The following LRP1B variants were observed in gnomAD, a reference collection of about 807,000 sequenced individuals.
LRP1B encodes the protein low-density lipoprotein receptor-related protein 1B.
In LRP1B, 217 loss-of-function variants were observed where a neutral mutation model predicts 556.6. The ratio of observed to expected loss-of-function variants is 0.39; its 90% CI spans 0.35 to 0.44. The LOEUF is 0.44. Ranked by LOEUF, LRP1B falls within the 20% of genes least tolerant of loss-of-function variation. The probability of loss-of-function intolerance (pLI) is 1.00; values close to 1 mark genes in which losing one functional copy is unlikely to be tolerated. For missense variants in LRP1B, 5,053 were observed against 5,620.8 expected (o/e 0.90, Z 3.23); for synonymous variants, 2,047 against 1,865.8 (o/e 1.10, Z -2.50).
intron 71 of LRP1B, among the ~76,000 whole-genome samples, chr2:140,370,170 G>A (rs1220091673): frequency 4.0e-5 from 6 of 151,876 alleles, no homozygotes; most frequent in African/African-American, 1.2e-4. Context: ...ATGACAAAAA[G>A]GAAAGTTGTC....
intron 1 of LRP1B, among the ~76,000 whole-genome samples, chr2:142,052,794 G>A (rs779418759): frequency 2.6e-5 from 4 of 152,058 alleles, no homozygotes; most frequent in African/African-American, 7.2e-5. Context: ...ATGGGAATTT[G>A]CATGTGCCAA....
chr2:141,194,237 A>G (rs11897933), intron 6 of LRP1B, among the ~76,000 whole-genome samples: 3,885 of 152,228 alleles, frequency 0.026, 154 homozygotes, highest in African/African-American at 0.088. Context: ...ATATATTTAC[A>G]TAAGTCATGT....
At chr2:141,028,978 T>A (rs563570973) in intron 11 of LRP1B, among the ~76,000 whole-genome samples, 3 of 152,106 alleles carry the variant, frequency 2.0e-5, no homozygotes, top group Non-Finnish European at 4.4e-5. Context: ...CTGTAAGTAA[T>A]TTTATTGGGC....
At chr2:140,836,955 AC>A (rs1691926698) in intron 31 of LRP1B, among the ~76,000 whole-genome samples, 1 of 152,128 alleles carries the variant, frequency 6.6e-6, no homozygotes, top group Non-Finnish European at 1.5e-5. Context: ...ATTTGTATAA[AC>A]ATTTGGTCAT....
At chr2:140,988,997 G>A (rs577604389) in intron 17 of LRP1B, among the ~76,000 whole-genome samples, 1 of 151,786 alleles carries the variant, frequency 6.6e-6, no homozygotes, top group African/African-American at 2.4e-5. Context: ...ATCTGGCTAG[G>A]GATTCAAAGA....
chr2:140,644,133 A>T (rs574456), intron 41 of LRP1B, among the ~76,000 whole-genome samples: 12,461 of 152,130 alleles, frequency 0.082, 661 homozygotes, highest in East Asian at 0.18. Flanking sequence ...CTTATTTCAA[A>T]GGCATTTGAG....
intron 11 of LRP1B, among the ~76,000 whole-genome samples, chr2:141,032,981 ACAGCAAGGGGCCAGG>A (rs1698421139): frequency 6.6e-6 from 1 of 151,958 alleles, no homozygotes; most frequent in South Asian, 2.1e-4. Context: ...AAGATGCATC[ACAGCAAGGGGCCAGG>A]CAGCAACAGG....
chr2:141,164,408 A>C (rs528553543), intron 7 of LRP1B, among the ~76,000 whole-genome samples: 1 of 152,234 alleles, frequency 6.6e-6, no homozygotes, highest in South Asian at 2.1e-4. Flanking sequence ...AAAACTAGCA[A>C]ACATATGCAT....
Position 141,496,431 on chromosome 2 carries a change from AT to A in LRP1B, c.206-15899del, listed in dbSNP as rs770937249. Among the ~76,000 whole-genome samples, 3 of 152,076 alleles carry A rather than the reference AT, an allele frequency of 2.0e-5. No individual in the cohort carries two copies. In the East Asian group the frequency reaches 5.8e-4, roughly 29 times the overall value. On this transcript the variant is annotated intron_variant, in intron 2 of 90. Transcript: ENST00000389484. ...CTGCTTCTACACAGACTACTCTTTAATTAAAGTGTAACGTTCTAATGCCTCC... is the reference window on the plus strand; with the variant it reads ...CTGCTTCTACACAGACTACTCTTTAATAAAGTGTAACGTTCTAATGCCTCC...
intron 2 of LRP1B, among the ~76,000 whole-genome samples, chr2:141,577,494 T>C (rs187465791): frequency 6.6e-6 from 1 of 152,166 alleles, no homozygotes; most frequent in Non-Finnish European, 1.5e-5. Flanking sequence ...ATTAGAACAG[T>C]CTGGAAGTGG....
At chr2:140,821,528 CT>C (rs1047185665) in intron 31 of LRP1B, among the ~76,000 whole-genome samples, 29 of 152,062 alleles carry the variant, frequency 1.9e-4, no homozygotes, top group African/African-American at 7.0e-4. Flanking sequence ...ATATCCAAGA[CT>C]TTTTTAAAAA....
intron 3 of LRP1B, among the ~76,000 whole-genome samples, chr2:141,382,238 A>G (rs1343952530): frequency 8.5e-5 from 13 of 152,124 alleles, no homozygotes. Context: ...CCTTCAACTG[A>G]GGTCCCAGTT....
At chr2:140,999,535 T>C (rs1399657890) in intron 15 of LRP1B, among the ~76,000 whole-genome samples, 1 of 152,096 alleles carries the variant, frequency 6.6e-6, no homozygotes, top group Non-Finnish European at 1.5e-5. Flanking sequence ...AGTATTTCCT[T>C]ACAAGCCAAA....
chr2:141,636,295 C>T (rs11688945), intron 2 of LRP1B, among the ~76,000 whole-genome samples: 38,421 of 151,704 alleles, frequency 0.25, 6,168 homozygotes, highest in East Asian at 0.6. Flanking sequence ...ATAAACAAGT[C>T]AACAAAAAAA....
rs550186493 is a variant in LRP1B, at chr2:140,851,606, A to T, written c.4711+46T>A. On this transcript the variant is annotated intron_variant, in intron 28 of 90. Transcript: ENST00000389484. ...TCTGAATGCTAATATAATTTGAGAG[A>T]ATTCAATTTTGTTTTTATTTTCGAT... 4.7e-5 allele frequency: 75 copies of T among 1,581,256 alleles called. 1 individual carries two copies. The South Asian group carries it at 7.9e-4, about 17-fold the overall frequency.
At chr2:140,590,587 C>A (rs1263558859) in intron 43 of LRP1B, among the ~76,000 whole-genome samples, 1 of 151,708 alleles carries the variant, frequency 6.6e-6, no homozygotes, top group Admixed American at 6.6e-5. Flanking sequence ...TCTCCCCAGC[C>A]CCCAACCCAG....
chr2:141,987,549 G>GTTTTTTTTTTTTTTTTTTTT (rs5834887), intron 1 of LRP1B, among the ~76,000 whole-genome samples: 1 of 139,980 alleles, frequency 7.1e-6, no homozygotes. Context: ...GATTTAAGCT[G>GTTTTTTTTTTTTTTTTTTTT]TTTTTTTTTT....
In LRP1B at chr2:140,748,374, T is replaced by C. The variant is rs1450897582; in HGVS notation, c.5758+20839A>G. Among the ~76,000 whole-genome samples the C allele has an allele frequency of 1.3e-4, 10 of 78,796 alleles. 1 individual carries two copies. In the East Asian group the frequency reaches 3.8e-3, roughly 30 times the overall value. 51.7% of individuals were successfully genotyped at this position (78,796 alleles called of 152,430 possible). ...CATATATAATATATATTTATATATG[T>C]ATATATATTCATATATTATATTCAT... On this transcript the variant is annotated intron_variant, in intron 35 of 90. Transcript: ENST00000389484.
chr2:140,427,354 T>C (rs1685708313), intron 66 of LRP1B, among the ~76,000 whole-genome samples: 1 of 152,138 alleles, frequency 6.6e-6, no homozygotes, highest in South Asian at 2.1e-4. Context: ...CTCCGTGTCT[T>C]TACCCTTCTC....
Sources: allele counts gnomAD v4.1 joint callset (sites outside exome capture counted in the v4.1 genomes callset), GRCh38; gene constraint gnomAD v4.1.1; transcripts MANE v1.5; gene names NCBI Gene and HGNC (gene_info 2026-07-23, HGNC 2026-07-21).